The following JPH1 variants were observed in gnomAD, a reference collection of about 807,000 sequenced individuals.
JPH1 encodes the protein junctophilin-1.
Under a neutral mutation model 53.6 loss-of-function variants are expected in JPH1, and 12 were observed. The observed-to-expected ratio is 0.22, with a 90% confidence interval of 0.14 to 0.36. The LOEUF (loss-of-function observed/expected upper bound fraction) is 0.36. JPH1 is among the 10% of genes least tolerant of loss of function. The pLI is 1.00. For missense variants in JPH1, 808 were observed against 905.5 expected (o/e 0.89, Z 1.38); for synonymous variants, 375 against 363.8 (o/e 1.03, Z -0.35).
rs368351004 is a variant in JPH1 at position 74,309,102 on chromosome 8, A to T, written c.1139+5759T>A. Among the ~76,000 whole-genome samples, 5 of 152,326 alleles carry T rather than the reference A, an allele frequency of 3.3e-5. No individual in the cohort carries two copies. The East Asian group carries it at 7.7e-4, about 24-fold the overall frequency. On this transcript the variant is annotated intron_variant, in intron 2 of 5. Transcript: ENST00000342232. The stretch of plus-strand genomic sequence containing the variant: ...GATTACATGTCTAGGTGCCCTGATC[A>T]TCACCTGAAGTGCCAGTAATGGTCA...
chr8:74,272,600 C>CTTTTTTTTT (rs765158506), intron 2 of JPH1, among the ~76,000 whole-genome samples: 2 of 112,684 alleles, frequency 1.8e-5, no homozygotes, highest in African/African-American at 6.6e-5. Flanking sequence ...ACCCTTAGTT[C>CTTTTTTTTT]TTTTTTTTTT....
chr8:74,281,719 G>A (rs1448348556), intron 2 of JPH1, among the ~76,000 whole-genome samples: 4 of 152,088 alleles, frequency 2.6e-5, no homozygotes, highest in Admixed American at 2.6e-4. Flanking sequence ...ACCCTGACCT[G>A]ACTCATTCCA....
At chr8:74,288,962 C>T (rs1347084836) in intron 2 of JPH1, among the ~76,000 whole-genome samples, 7 of 152,156 alleles carry the variant, frequency 4.6e-5, no homozygotes, top group Non-Finnish European at 1.0e-4. Flanking sequence ...TCAAACTATG[C>T]CCTTCTTTTG....
intron 2 of JPH1, among the ~76,000 whole-genome samples, chr8:74,313,033 C>T (rs142705339): frequency 6.6e-6 from 1 of 152,280 alleles, no homozygotes; most frequent in African/African-American, 2.4e-5. Flanking sequence ...AATCAGAGAT[C>T]ATCTCTGCAT....
At chr8:74,287,617 G>A (rs1405411556) in intron 2 of JPH1, among the ~76,000 whole-genome samples, 1 of 151,274 alleles carries the variant, frequency 6.6e-6, no homozygotes, top group African/African-American at 2.4e-5. Flanking sequence ...TTTTTGAGAA[G>A]GTCACTAAAT....
At chr8:74,303,587 A>AT (rs1279960101) in intron 2 of JPH1, among the ~76,000 whole-genome samples, 4 of 151,954 alleles carry the variant, frequency 2.6e-5, no homozygotes, top group South Asian at 2.1e-4. Context: ...GCAGATAACT[A>AT]TTTTTTTATT....
intron 2 of JPH1, among the ~76,000 whole-genome samples, chr8:74,292,572 G>A (rs1807365759): frequency 1.3e-5 from 2 of 152,076 alleles, no homozygotes; most frequent in Admixed American, 1.3e-4. Flanking sequence ...TTTCCTTAAA[G>A]CCTAAACAGA....
chr8:74,256,948 G>T (rs1040387435), intron 3 of JPH1, among the ~76,000 whole-genome samples: 6 of 152,168 alleles, frequency 3.9e-5, no homozygotes, highest in Non-Finnish European at 7.3e-5. Context: ...AAACAATGGA[G>T]ACTTTTATAT....
intron 2 of JPH1, among the ~76,000 whole-genome samples, chr8:74,289,745 T>C (rs1277322715): frequency 2.6e-5 from 4 of 152,252 alleles, no homozygotes; most frequent in Non-Finnish European, 4.4e-5. Context: ...ATACGTCCCA[T>C]CAATACCTAG....
intron 2 of JPH1, among the ~76,000 whole-genome samples, chr8:74,309,674 T>C (rs556295337): frequency 6.6e-6 from 1 of 152,270 alleles, no homozygotes; most frequent in Admixed American, 6.5e-5. Context: ...GAGTAAAAAT[T>C]GACGAAATGA....
chr8:74,312,905 A>T (rs1053020037), intron 2 of JPH1, among the ~76,000 whole-genome samples: 25 of 152,334 alleles, frequency 1.6e-4, no homozygotes, highest in African/African-American at 6.0e-4. Context: ...TAAACTAAAG[A>T]TCTCTTGATT....
intron 2 of JPH1, among the ~76,000 whole-genome samples, chr8:74,306,609 T>C (rs1321079578): frequency 6.6e-6 from 1 of 151,920 alleles, no homozygotes; most frequent in African/African-American, 2.4e-5. Flanking sequence ...ACTAACTTTT[T>C]TTTTTTTTCT....
At chr8:74,243,253 T>C (rs930334678) in intron 4 of JPH1, among the ~76,000 whole-genome samples, 4 of 152,254 alleles carry the variant, frequency 2.6e-5, no homozygotes, top group Non-Finnish European at 5.9e-5. Flanking sequence ...GTCAAGATAC[T>C]GTCATATTAA....
rs1413808454 is a variant in JPH1, at chr8:74,236,362, A to AG, written c.*688dup. Reference sequence around the variant, plus strand: ...GTGTGTTTCGTCCGGCCAGGACCGCAGGTGGTAGATGACTATACGTCAGAT... The same window carrying AG: ...GTGTGTTTCGTCCGGCCAGGACCGCAGGGTGGTAGATGACTATACGTCAGAT... On this transcript the variant is annotated 3_prime_UTR_variant, in exon 6 of 6. Transcript: ENST00000342232. 2 of 152,406 alleles carry AG rather than the reference A, an allele frequency of 1.3e-5. No homozygotes were observed. The highest frequency in any genetic ancestry group is 3.9e-4 in the East Asian group (2 of 5,194). 9.4% of individuals were successfully genotyped at this position (152,406 alleles called of 1,614,324 possible).
intron 1 of JPH1, among the ~76,000 whole-genome samples, chr8:74,319,190 A>G (rs1239058129): frequency 6.6e-6 from 1 of 152,216 alleles, no homozygotes; most frequent in Non-Finnish European, 1.5e-5. Context: ...GGTATAATGA[A>G]TACTCTAAAC....
In JPH1 at chr8:74,259,430, C is replaced by T; in HGVS notation, c.1213G>A (p.Ala405Thr). Residue 405 changes from alanine to threonine, a missense_variant, in exon 3 of 6, where the codon GCG (alanine) becomes ACG (threonine). Coordinates refer to ENST00000342232, the MANE Select transcript of JPH1 (RefSeq NM_020647.4). ...ALAARQECDI[A>T]RAVARELSPD... Reference sequence around the variant, plus strand: ...GACAGCTCCCTGGCCACAGCTCTCGCGATGTCGCACTCCTGGCGAGCGGCC... The same window carrying T: ...GACAGCTCCCTGGCCACAGCTCTCGTGATGTCGCACTCCTGGCGAGCGGCC... The T allele has an allele frequency of 1.2e-6, 2 of 1,613,898 alleles. No individual in the cohort carries two copies. Among genetic ancestry groups the T allele is most frequent in the African/African-American group, 1.3e-5 (1 of 75,064 alleles).
chr8:74,235,401 AC>A lies in JPH1; in HGVS notation c.*1649del, dbSNP rs1250005644. On this transcript the variant is annotated 3_prime_UTR_variant, in exon 6 of 6. Transcript: ENST00000342232. Reference sequence around the variant, plus strand: ...CTTCTGTAAGAAACATCACTGGGTTACTACCCTGCAGGTGACAAAGCACTCA... The same window carrying A: ...CTTCTGTAAGAAACATCACTGGGTTATACCCTGCAGGTGACAAAGCACTCA... The A allele has an allele frequency of 6.6e-6, 1 of 152,590 alleles. No homozygotes were observed. The highest frequency in any genetic ancestry group is 1.5e-5 in the Non-Finnish European group (1 of 68,032). 9.5% of individuals were successfully genotyped at this position (152,590 alleles called of 1,614,324 possible).
chr8:74,313,910 T>C (rs1808065169), intron 2 of JPH1, among the ~76,000 whole-genome samples: 3 of 152,228 alleles, frequency 2.0e-5, no homozygotes, highest in Non-Finnish European at 4.4e-5. Context: ...GTCTCACCTA[T>C]GATATCCTTC....
intron 3 of JPH1, among the ~76,000 whole-genome samples, chr8:74,247,926 C>T (rs550732892): frequency 6.6e-6 from 1 of 152,240 alleles, no homozygotes; most frequent in South Asian, 2.1e-4. Flanking sequence ...ACCTTCAGCA[C>T]CATCAGTATA....
Sources: allele counts gnomAD v4.1 joint callset (sites outside exome capture counted in the v4.1 genomes callset), GRCh38; gene constraint gnomAD v4.1.1; transcripts MANE v1.5; gene names NCBI Gene and HGNC (gene_info 2026-07-23, HGNC 2026-07-21).